The following CUBN variants were observed in gnomAD, a reference collection of about 807,000 sequenced individuals.
CUBN encodes the protein 460 kDa receptor.
CUBN carries 282 observed loss-of-function variants against 405.3 expected under a neutral mutation model. The ratio of observed to expected loss-of-function variants is 0.70; its 90% CI spans 0.63 to 0.77. CUBN has a LOEUF of 0.77. Ranked by LOEUF, CUBN falls within the 30% of genes least tolerant of loss-of-function variation. CUBN has a pLI of 0.00. For synonymous variants in CUBN, 1,684 were observed against 1,617.0 expected (o/e 1.04, Z -0.99); for missense variants, 4,514 against 4,475.2 (o/e 1.01, Z -0.25).
At chr10:16,933,373 C>T in intron 39 of CUBN, 89 bp from the exon 40 acceptor site, 1 of 1,195,564 alleles carries the variant, frequency 8.4e-7, no homozygotes, top group Non-Finnish European at 1.2e-6. Flanking sequence ...CAGCCCTCTA[C>T]TGAAAAGAAG....
chr10:16,964,783 A>G (rs1843340596), intron 31 of CUBN, among the ~76,000 whole-genome samples: 1 of 152,218 alleles, frequency 6.6e-6, no homozygotes, highest in Non-Finnish European at 1.5e-5. Context: ...CCAGGAATGT[A>G]TCAAGTTTAA....
chr10:16,898,878 T>A lies in CUBN; in HGVS notation c.8598+118A>T, dbSNP rs148052678. On this transcript the variant is annotated intron_variant, in intron 54 of 66. Coordinates refer to ENST00000377833, the MANE Select transcript of CUBN (RefSeq NM_001081.4). ...AGGTTTCTCACTTTCTCACTTTTCA[T>A]CCAAGGAATCCAGGCAGCAAAATTT... 110 of 771,394 alleles carry A rather than the reference T, an allele frequency of 1.4e-4. No homozygotes were observed. The African/African-American group carries it at 1.8e-3, about 13-fold the overall frequency. The allele number at this position is 771,394 out of a possible 1,614,324, so 47.8% of individuals were successfully genotyped here.
rs748805613 is a variant in CUBN, at chr10:16,915,883, T to C, written c.7148A>G (p.Asn2383Ser). 1.7e-5 allele frequency: 27 copies of C among 1,613,952 alleles called. No homozygotes were observed. The highest frequency in any genetic ancestry group is 2.0e-5 in the Non-Finnish European group (24 of 1,179,998). ...HYLTISFEDFNLQNSSGCEKD... is the reference protein window; with the variant it reads ...HYLTISFEDFSLQNSSGCEKD... Reference sequence around the variant, plus strand: ...TTCACAGCCAGAAGAATTCTGAAGGTTAAAGTCTTCAAAAGAGATGGTGAG... The same window carrying C: ...TTCACAGCCAGAAGAATTCTGAAGGCTAAAGTCTTCAAAAGAGATGGTGAG... Residue 2383 changes from asparagine to serine, a missense_variant, in exon 46 of 67, where the codon AAC (asparagine) becomes AGC (serine). Asn to Ser is a conservative substitution (Grantham distance 46, BLOSUM62 1). Coordinates refer to ENST00000377833, the MANE Select transcript of CUBN (RefSeq NM_001081.4).
intron 51 of CUBN, among the ~76,000 whole-genome samples, chr10:16,903,732 T>A (rs1196253159): frequency 6.7e-6 from 1 of 148,630 alleles, no homozygotes; most frequent in Non-Finnish European, 1.5e-5. Flanking sequence ...TTATGCAGTT[T>A]ATTATTGAAT....
In CUBN at chr10:16,915,168, G is replaced by A. The variant is rs762398338; in HGVS notation, c.7215C>T (p.Asn2405=). Residue 2405 remains asparagine (N), a synonymous_variant, in exon 47 of 67, where the codon AAC becomes AAT. Transcript: ENST00000377833. ...VEIWDNHTSG[N]ILGRYCGNTI... is the part of the protein sequence containing the mutation. The stretch of plus-strand genomic sequence containing the variant: ...TGTTTCCACAGTATCTGCCCAAGAT[G>A]TTTCCTGTGAGAGACAAATAATTAA... 9.3e-6 allele frequency: 15 copies of A among 1,613,674 alleles called. No individual in the cohort carries two copies. In the African/African-American group the frequency reaches 1.3e-4, roughly 14 times the overall value.
intron 49 of CUBN, 55 bp downstream of exon 49, chr10:16,907,453 G>T: frequency 6.4e-7 from 1 of 1,562,396 alleles, no homozygotes; most frequent in South Asian, 1.1e-5. Context: ...AGTAGATGGG[G>T]GCATCTGCAG....
At chr10:16,864,467 C>A (rs1840106926) in intron 59 of CUBN, among the ~76,000 whole-genome samples, 1 of 152,060 alleles carries the variant, frequency 6.6e-6, no homozygotes, top group African/African-American at 2.4e-5. Flanking sequence ...AGCTAAGGTG[C>A]TTTCCAGAAA....
At chr10:16,840,072 G>A (rs1473984134) in intron 62 of CUBN, among the ~76,000 whole-genome samples, 1 of 129,992 alleles carries the variant, frequency 7.7e-6, no homozygotes, top group Admixed American at 8.5e-5. Flanking sequence ...GTTGTGGGGT[G>A]GGGGAAGAGG....
intron 58 of CUBN, among the ~76,000 whole-genome samples, chr10:16,870,935 G>C (rs1412636184): frequency 6.6e-6 from 1 of 152,092 alleles, no homozygotes; most frequent in Non-Finnish European, 1.5e-5. Context: ...ATTTACTTTA[G>C]AGTTTTGTGG....
intron 59 of CUBN, among the ~76,000 whole-genome samples, chr10:16,853,109 A>G (rs1478055484): frequency 6.6e-6 from 1 of 152,230 alleles, no homozygotes; most frequent in Non-Finnish European, 1.5e-5. Flanking sequence ...TCCTCAGAAC[A>G]TAAGATTTAG....
chr10:16,997,980 G>A lies in CUBN; in HGVS notation c.4169-7465C>T, dbSNP rs569290304. Among the ~76,000 whole-genome samples, 9 of 152,136 alleles carry A rather than the reference G, an allele frequency of 5.9e-5. No individual in the cohort carries two copies. In the South Asian group the frequency reaches 1.5e-3, roughly 25 times the overall value. On this transcript the variant is annotated intron_variant, in intron 28 of 66. Coordinates refer to ENST00000377833, the MANE Select transcript of CUBN (RefSeq NM_001081.4). Reference sequence around the variant, plus strand: ...AGATAGCATGTATTCTGTGAGGAAGGGGACACAAACTGGAGTGATCACGAG... The same window carrying A: ...AGATAGCATGTATTCTGTGAGGAAGAGGACACAAACTGGAGTGATCACGAG...
At chr10:16,913,438 T>C (rs1480787808) in intron 48 of CUBN, among the ~76,000 whole-genome samples, 1 of 152,144 alleles carries the variant, frequency 6.6e-6, no homozygotes, top group East Asian at 1.9e-4. Context: ...GCAGTGCTTA[T>C]GCAGGACCAC....
chr10:16,956,814 T>C (rs1422721435), intron 31 of CUBN, among the ~76,000 whole-genome samples: 1 of 152,162 alleles, frequency 6.6e-6, no homozygotes, highest in Non-Finnish European at 1.5e-5. Context: ...AGAATAGCAT[T>C]TTTTCATTTT....
intron 36 of CUBN, among the ~76,000 whole-genome samples, chr10:16,943,289 A>G (rs1338063419): frequency 6.6e-6 from 1 of 152,184 alleles, no homozygotes; most frequent in African/African-American, 2.4e-5. Context: ...TACAGTATAG[A>G]CCATCTGGAC....
chr10:16,987,253 T>C (rs1833451752), intron 29 of CUBN, among the ~76,000 whole-genome samples: 1 of 152,156 alleles, frequency 6.6e-6, no homozygotes, highest in African/African-American at 2.4e-5. Flanking sequence ...CGATAGTACA[T>C]GACTCTTCAA....
At chr10:16,939,178 C>A in intron 37 of CUBN, 31 bp from the exon 38 acceptor site, 1 of 1,554,394 alleles carries the variant, frequency 6.4e-7, no homozygotes, top group Non-Finnish European at 8.9e-7. Flanking sequence ...GTAAATCAGA[C>A]CCACTTAGAA....
chr10:17,042,861 T>C (rs1427714255), intron 26 of CUBN, among the ~76,000 whole-genome samples: 1 of 152,182 alleles, frequency 6.6e-6, no homozygotes, highest in African/African-American at 2.4e-5. Flanking sequence ...TTTTGTGACT[T>C]TTAATTCCAC....
intron 27 of CUBN, chr10:17,023,497 G>A (rs986965393): frequency 6.5e-5 from 25 of 387,516 alleles, no homozygotes; most frequent in African/African-American, 5.1e-4. Context: ...CGCGCAAATT[G>A]ACCACCCAAA....
chr10:17,102,677 G>A (rs534881265), intron 13 of CUBN, among the ~76,000 whole-genome samples: 7 of 136,904 alleles, frequency 5.1e-5, no homozygotes, highest in Admixed American at 7.9e-5. Flanking sequence ...CACTGTCTCT[G>A]CTCACTACAA....
Sources: gnomAD v4.1 joint callset for allele counts (sites outside exome capture counted in the v4.1 genomes callset) on GRCh38, gnomAD v4.1.1 for gene constraint, MANE v1.5 for transcripts, NCBI Gene and HGNC (gene_info 2026-07-23, HGNC 2026-07-21) for gene names.